CACNA2D3: variants seen among roughly 807,000 people sequenced by gnomAD.
CACNA2D3 encodes the protein voltage-dependent calcium channel subunit alpha-2/delta-3.
A neutral mutation model predicts 160.6 loss-of-function variants in CACNA2D3; 60 were observed. The observed-to-expected ratio is 0.37, with a 90% CI of 0.30 to 0.46. The LOEUF (loss-of-function observed/expected upper bound fraction) is 0.46, where lower values mean the gene tolerates loss of function less well. Among genes scored for constraint, CACNA2D3 ranks in the 20% least tolerant of loss-of-function variants. The pLI is 1.00. For missense variants in CACNA2D3, 1,205 were observed against 1,365.0 expected, an observed-to-expected ratio of 0.88 and a Z score of 1.85; for synonymous variants, 558 against 492.9, an observed-to-expected ratio of 1.13 and a Z score of -1.75.
intron 15 of CACNA2D3, among the ~76,000 whole-genome samples, chr3:54,838,102 G>A (rs935952891): frequency 6.6e-6 from 1 of 152,150 alleles, no homozygotes; most frequent in African/African-American, 2.4e-5. Context: ...TGGTAAAAGT[G>A]TTAGGGTTAT....
At chr3:54,289,586 G>A (rs1703129620) in intron 2 of CACNA2D3, among the ~76,000 whole-genome samples, 1 of 152,238 alleles carries the variant, frequency 6.6e-6, no homozygotes, top group Admixed American at 6.5e-5. Context: ...CCAAAAAAGA[G>A]CCCGCATCAC....
chr3:54,450,722 T>C (rs1347388375), intron 4 of CACNA2D3, among the ~76,000 whole-genome samples: 2 of 152,092 alleles, frequency 1.3e-5, no homozygotes, highest in Non-Finnish European at 2.9e-5. Flanking sequence ...CTGAGGAACC[T>C]CTTCTTTATA....
chr3:54,823,109 C>A (rs575674657), intron 14 of CACNA2D3, among the ~76,000 whole-genome samples: 62 of 152,028 alleles, frequency 4.1e-4, no homozygotes, highest in African/African-American at 1.4e-3. Flanking sequence ...CCTGCCCCAG[C>A]CTCCCAAAGT....
intron 29 of CACNA2D3, among the ~76,000 whole-genome samples, chr3:54,972,502 C>T (rs1702297418): frequency 6.6e-6 from 1 of 152,174 alleles, no homozygotes; most frequent in Non-Finnish European, 1.5e-5. Context: ...CAACTGCCCT[C>T]GAATGATCAG....
At chr3:54,660,566 C>T (rs1025132446) in intron 11 of CACNA2D3, among the ~76,000 whole-genome samples, 1 of 152,154 alleles carries the variant, frequency 6.6e-6, no homozygotes, top group Non-Finnish European at 1.5e-5. Context: ...GTAGGCTGGC[C>T]CTTACATTCT....
chr3:54,872,708 G>A (rs1699564513), intron 18 of CACNA2D3, among the ~76,000 whole-genome samples: 1 of 152,166 alleles, frequency 6.6e-6, no homozygotes, highest in Admixed American at 6.5e-5. Flanking sequence ...AGCCATACCT[G>A]TTTTAGAAAC....
At position 55,050,978 on chromosome 3, in the gene CACNA2D3, T is replaced by A. The variant is rs1372513941; in HGVS notation, c.2988-22467T>A. Among the ~76,000 whole-genome samples the A allele has an allele frequency of 4.7e-3, 661 of 139,936 alleles. 17 individuals carry two copies. Among genetic ancestry groups the A allele is most frequent in the Admixed American group, 0.035 (499 of 14,082 alleles). 91.8% of individuals were successfully genotyped at this position (139,936 alleles called of 152,430 possible). A position where few individuals can be genotyped will look rare whatever the true frequency, so the allele number is the denominator to read the frequency against. ...ATCAGCTCCTTTAAGCACTTCTCTG[T>A]ATTGGTTATTCTAGTTATACATTCT... On this transcript the variant is annotated intron_variant, in intron 35 of 37. Coordinates refer to ENST00000474759, the MANE Select transcript of CACNA2D3 (RefSeq NM_018398.3).
chr3:54,617,161 T>C (rs1698871318), intron 9 of CACNA2D3, among the ~76,000 whole-genome samples: 1 of 152,212 alleles, frequency 6.6e-6, no homozygotes, highest in East Asian at 1.9e-4. Flanking sequence ...AGCATGCATG[T>C]GGAAGTGCAT....
chr3:54,547,471 C>T (rs1167406032), intron 5 of CACNA2D3, among the ~76,000 whole-genome samples: 1 of 151,994 alleles, frequency 6.6e-6, no homozygotes, highest in African/African-American at 2.4e-5. Context: ...CTTCTTGGAA[C>T]ATCTTTCTGA....
At chr3:55,001,586 G>A (rs147754717) in intron 31 of CACNA2D3, among the ~76,000 whole-genome samples, 2 of 152,320 alleles carry the variant, frequency 1.3e-5, no homozygotes, top group East Asian at 3.9e-4. Context: ...GGATGAGTTA[G>A]GATTTGAGCT....
intron 27 of CACNA2D3, among the ~76,000 whole-genome samples, chr3:54,939,827 A>G (rs907405209): frequency 6.6e-6 from 1 of 152,190 alleles, no homozygotes; most frequent in Admixed American, 6.5e-5. Flanking sequence ...TTCGGCCCAC[A>G]TGATTGTTTG....
intron 34 of CACNA2D3, 52 bp from the exon 35 acceptor site, chr3:55,018,154 T>G (rs1703368397): frequency 8.5e-7 from 1 of 1,179,066 alleles, no homozygotes; most frequent in African/African-American, 1.5e-5. Context: ...AGTCACAATT[T>G]TGAGCCTGTG....
Position 54,740,516 on chromosome 3 carries a change from G to A in CACNA2D3, c.1168-12083G>A, listed in dbSNP as rs146148056. On this transcript the variant is annotated intron_variant, in intron 11 of 37. Transcript: ENST00000474759. ...AGAGTCCCTGGAAGGGCAAGAGGTT[G>A]GTATACAGAAAGTGAGCTCGTACAG... Among the ~76,000 whole-genome samples the A allele has an allele frequency of 2.6e-5, 4 of 152,128 alleles. No homozygotes were observed. In the East Asian group the frequency reaches 5.8e-4, roughly 22 times the overall value.
chr3:54,978,886 A>G (rs1702447247), intron 29 of CACNA2D3, among the ~76,000 whole-genome samples: 1 of 152,256 alleles, frequency 6.6e-6, no homozygotes, highest in Admixed American at 6.5e-5. Flanking sequence ...GTTATACCAC[A>G]GTTCTTGAAA....
At chr3:54,595,892 C>G (rs1366286717) in intron 9 of CACNA2D3, among the ~76,000 whole-genome samples, 1 of 152,112 alleles carries the variant, frequency 6.6e-6, no homozygotes, top group African/African-American at 2.4e-5. Flanking sequence ...CTCACCCATC[C>G]ATTCACTACT....
chr3:54,436,891 C>T (rs1336031840), intron 4 of CACNA2D3, among the ~76,000 whole-genome samples: 3 of 152,048 alleles, frequency 2.0e-5, no homozygotes, highest in Non-Finnish European at 4.4e-5. Context: ...CACATGTATA[C>T]CTATGAAAGG....
chr3:54,631,546 GCACACA>G (rs920983360), intron 10 of CACNA2D3, among the ~76,000 whole-genome samples: 3 of 151,610 alleles, frequency 2.0e-5, no homozygotes, highest in Middle Eastern at 3.2e-3. Flanking sequence ...ACATATACAC[GCACACA>G]CACACGTGCT....
chr3:54,585,993 A>G (rs1702753709), intron 9 of CACNA2D3, among the ~76,000 whole-genome samples: 1 of 152,208 alleles, frequency 6.6e-6, no homozygotes, highest in Non-Finnish European at 1.5e-5. Context: ...GGCCTGGCAC[A>G]GTGGTTCATG....
At chr3:54,811,465 CTTTTTTTTTTT>C (rs71096451) in intron 13 of CACNA2D3, among the ~76,000 whole-genome samples, 19 of 111,560 alleles carry the variant, frequency 1.7e-4, no homozygotes, top group African/African-American at 5.1e-4. Flanking sequence ...TCCCTCAGTT[CTTTTTTTTTTT>C]TTTTTTTTTT....
Sources: allele counts gnomAD v4.1 joint callset (sites outside exome capture counted in the v4.1 genomes callset), GRCh38; gene constraint gnomAD v4.1.1; transcripts MANE v1.5; gene names NCBI Gene and HGNC (gene_info 2026-07-23, HGNC 2026-07-21).